The following DENND2D variants were observed in gnomAD, a reference collection of about 807,000 sequenced individuals.
DENND2D encodes the protein DENN domain containing 2D.
DENND2D carries 37 observed loss-of-function variants against 59.8 expected under a neutral mutation model. That is an observed-to-expected ratio of 0.62 (90% confidence interval 0.48 to 0.81). The LOEUF is 0.81. DENND2D is among the 40% of genes least tolerant of loss of function. The pLI is 0.00. For synonymous variants in DENND2D, 219 were observed against 211.3 expected (o/e 1.04, Z -0.31); for missense variants, 525 against 579.7 (o/e 0.91, Z 0.97).
chr1:111,194,866 T>C (rs1658080525), intron 6 of DENND2D, 140 bp from the exon 7 acceptor site: 1 of 921,378 alleles, frequency 1.1e-6, no homozygotes, highest in South Asian at 1.6e-5. Context: ...CCCTGCTAAT[T>C]GGCTGGAGGA....
chr1:111,200,840 T>C (rs1490550780), upstream of DENND2D: 2 of 522,982 alleles, frequency 3.8e-6, no homozygotes, highest in Admixed American at 3.9e-5. Flanking sequence ...GGGCTGCAGA[T>C]TGTGCAGAGA....
chr1:111,193,726 T>C (rs556249995), intron 7 of DENND2D, among the ~76,000 whole-genome samples: 38 of 152,310 alleles, frequency 2.5e-4, no homozygotes, highest in African/African-American at 8.4e-4. Flanking sequence ...TCCCCAGATA[T>C]GAATAGAAGG....
Position 111,199,748 on chromosome 1 carries a change from G to A in DENND2D, c.118C>T (p.Gln40Ter), listed in dbSNP as rs777152773. ...GEALKEPERA[Q>*]EHSLPNFAGG... Reference sequence around the variant, plus strand: ...GCAAAGTTGGGCAAAGAGTGCTCCTGGGCCCTTTCTGGTTCCTTTAAAGCT... The same window carrying A: ...GCAAAGTTGGGCAAAGAGTGCTCCTAGGCCCTTTCTGGTTCCTTTAAAGCT... Residue 40 changes from glutamine to a stop codon, truncating the protein, a stop_gained, in exon 2 of 12, where the codon CAG (glutamine) becomes TAG (stop). Coordinates refer to ENST00000357640, the MANE Select transcript of DENND2D (RefSeq NM_024901.5). LOFTEE classifies it high-confidence loss of function. 6.2e-7 allele frequency: 1 copy of A among 1,614,126 alleles called. No homozygotes were observed. The highest frequency in any genetic ancestry group is 1.1e-5 in the South Asian group (1 of 91,074).
At chr1:111,192,069 A>C in intron 8 of DENND2D, 71 bp downstream of exon 8, 1 of 1,391,436 alleles carries the variant, frequency 7.2e-7, no homozygotes, top group Non-Finnish European at 9.6e-7. Context: ...CACAGCTGTA[A>C]GCAGCAGAGC....
chr1:111,189,100 A>T, intron 9 of DENND2D, 112 bp downstream of exon 9: 1 of 1,267,778 alleles, frequency 7.9e-7, no homozygotes, highest in Middle Eastern at 2.2e-4. Flanking sequence ...TTTAGCACAG[A>T]TTCTCACTCA....
At position 111,195,987 on chromosome 1, in the gene DENND2D, G is replaced by A. The variant is rs1199105927; in HGVS notation, c.574C>T (p.Arg192Ter). 1.9e-6 allele frequency: 3 copies of A among 1,614,018 alleles called. No individual in the cohort carries two copies. The highest frequency in any genetic ancestry group is 1.7e-6 in the Non-Finnish European group (2 of 1,179,982). ...AVIYPFMQGLREAAFPAPGKT... is the reference protein window; with the variant it reads ...AVIYPFMQGL Reference sequence around the variant, plus strand: ...CCAGGAGCAGGGAAGGCTGCCTCTCGGAGGCCCTGCATGAACGGGTAGATG... The same window carrying A: ...CCAGGAGCAGGGAAGGCTGCCTCTCAGAGGCCCTGCATGAACGGGTAGATG... Residue 192 changes from arginine (R) to a stop codon, truncating the protein, a stop_gained, in exon 6 of 12, where the codon CGA (arginine) becomes TGA (stop). Coordinates refer to ENST00000357640, the MANE Select transcript of DENND2D (RefSeq NM_024901.5). LOFTEE classifies it high-confidence loss of function.
chr1:111,204,126 G>C, upstream of DENND2D: 6 of 155,444 alleles, frequency 3.9e-5, no homozygotes, highest in East Asian at 3.0e-4. Context: ...TCCCCTCTCC[G>C]CGCGCTCCTT....
chr1:111,202,696 T>TACACAC (rs5741908), upstream of DENND2D, among the ~76,000 whole-genome samples: 18,678 of 142,670 alleles, frequency 0.13, 1,342 homozygotes, highest in Middle Eastern at 0.25. Flanking sequence ...GTCACCAGGA[T>TACACAC]ACACACACAC....
rs1482719221 is a variant in DENND2D, at chr1:111,200,376, G to A, written c.67+17C>T. 6.2e-7 allele frequency: 1 copy of A among 1,609,288 alleles called. No individual in the cohort carries two copies. On this transcript the variant is annotated intron_variant, in intron 1 of 11. Coordinates refer to ENST00000357640, the MANE Select transcript of DENND2D (RefSeq NM_024901.5). Reference sequence around the variant, plus strand: ...GGGTCACCCTAAAAACAAGGAAGTAGGCAGTCCAGTCCTGACCTGCTCGGA... The same window carrying A: ...GGGTCACCCTAAAAACAAGGAAGTAAGCAGTCCAGTCCTGACCTGCTCGGA...
At chr1:111,204,069 G>T, upstream of DENND2D, 1 of 109,380 alleles carries the variant, frequency 9.1e-6, no homozygotes, top group South Asian at 2.7e-4. Context: ...CCTCCCCCTC[G>T]CCCCCTCAGG....
intron 3 of DENND2D, 122 bp downstream of exon 3, chr1:111,198,508 A>T: frequency 1.1e-6 from 1 of 937,100 alleles, no homozygotes; most frequent in Non-Finnish European, 1.6e-6. Flanking sequence ...CAAACAAATC[A>T]ATTACACTCC....
chr1:111,203,229 C>T (rs1200603554), upstream of DENND2D, among the ~76,000 whole-genome samples: 1 of 152,196 alleles, frequency 6.6e-6, no homozygotes, highest in Non-Finnish European at 1.5e-5. Context: ...GGAGGAATGG[C>T]AACAGGAGGA....
chr1:111,189,124 A>T (rs1571171938), intron 9 of DENND2D, 88 bp downstream of exon 9: 2 of 1,457,468 alleles, frequency 1.4e-6, no homozygotes, highest in Admixed American at 1.8e-5. Flanking sequence ...AAGAACTTAA[A>T]TGTTTGTTTA....
At chr1:111,204,550 G>A, upstream of DENND2D, 1 of 501,002 alleles carries the variant, frequency 2.0e-6, no homozygotes, top group East Asian at 3.6e-5. Context: ...CCCTCGCCCT[G>A]GGCAGGGCAG....
At chr1:111,198,251 C>T (rs1658439191) in intron 3 of DENND2D, among the ~76,000 whole-genome samples, 1 of 152,212 alleles carries the variant, frequency 6.6e-6, no homozygotes, top group Admixed American at 6.5e-5. Flanking sequence ...GGTCACTCAA[C>T]TCATAAATAG....
At chr1:111,197,560 G>A (rs1395829960) in intron 4 of DENND2D, 1 of 1,364,180 alleles carries the variant, frequency 7.3e-7, no homozygotes, top group Non-Finnish European at 9.5e-7. Context: ...GTGACTTGGG[G>A]AATCCTCCTG....
chr1:111,199,284 G>A (rs1441794118), intron 2 of DENND2D, among the ~76,000 whole-genome samples: 1 of 152,220 alleles, frequency 6.6e-6, no homozygotes, highest in Non-Finnish European at 1.5e-5. Flanking sequence ...TTCATTCTAG[G>A]AGTTCTGGCA....
chr1:111,199,269 G>A (rs569373843), intron 2 of DENND2D, among the ~76,000 whole-genome samples: 2 of 152,308 alleles, frequency 1.3e-5, no homozygotes, highest in African/African-American at 2.4e-5. Flanking sequence ...ATCCCAGAGA[G>A]GGGATTCATT....
chr1:111,197,723 C>A, intron 4 of DENND2D, 197 bp downstream of exon 4: 4 of 1,419,576 alleles, frequency 2.8e-6, no homozygotes, highest in South Asian at 1.5e-5. Flanking sequence ...TGACCAGCAG[C>A]GGGAGAAGGG....
Sources: gnomAD v4.1 joint callset for allele counts (sites outside exome capture counted in the v4.1 genomes callset) on GRCh38, gnomAD v4.1.1 for gene constraint, MANE v1.5 for transcripts, NCBI Gene and HGNC (gene_info 2026-07-23, HGNC 2026-07-21) for gene names.